The following GRIP1 variants were observed in gnomAD, a reference collection of about 807,000 sequenced individuals.
The protein encoded by GRIP1 is glutamate receptor-interacting protein 1.
A neutral mutation model predicts 129.9 loss-of-function variants in GRIP1; 45 were observed. The ratio of observed to expected loss-of-function variants is 0.35; its 90% CI spans 0.27 to 0.44. The LOEUF is 0.44. Among genes scored for constraint, GRIP1 ranks in the 20% least tolerant of loss-of-function variants. The pLI is 1.00. For synonymous variants in GRIP1, 530 were observed against 520.8 expected (o/e 1.02, Z -0.24); for missense variants, 1,196 against 1,396.8 (o/e 0.86, Z 2.29).
chr12:67,026,794 T>G (rs891665102), intron 1 of GRIP1, among the ~76,000 whole-genome samples: 3 of 152,202 alleles, frequency 2.0e-5, no homozygotes, highest in Non-Finnish European at 4.4e-5. Context: ...CCCTTTCTTT[T>G]GAATAATATA....
intron 1 of GRIP1, among the ~76,000 whole-genome samples, chr12:67,009,741 A>G (rs1294735715): frequency 2.0e-5 from 3 of 152,152 alleles, no homozygotes; most frequent in Non-Finnish European, 4.4e-5. Flanking sequence ...GCTACTCAAT[A>G]AAGTCTGTGC....
intron 1 of GRIP1, among the ~76,000 whole-genome samples, chr12:66,931,569 G>A (rs1448194032): frequency 2.6e-5 from 4 of 152,150 alleles, no homozygotes; most frequent in Non-Finnish European, 2.9e-5. Context: ...AAATCTCTAA[G>A]CAAAAATAAT....
intron 1 of GRIP1, among the ~76,000 whole-genome samples, chr12:67,012,832 C>CTCAGT (rs1313898965): frequency 4.6e-5 from 7 of 152,050 alleles, no homozygotes; most frequent in African/African-American, 1.7e-4. Context: ...AGAGATAAAC[C>CTCAGT]CCTCAAAAGC....
chr12:66,800,871 A>G (rs951689073), intron 1 of GRIP1, among the ~76,000 whole-genome samples: 1 of 152,134 alleles, frequency 6.6e-6, no homozygotes, highest in Non-Finnish European at 1.5e-5. Context: ...CGATTAAATA[A>G]AAAATGCAGT....
chr12:66,517,720 A>C (rs903108303), intron 6 of GRIP1, among the ~76,000 whole-genome samples, 181 bp downstream of exon 6: 11 of 152,176 alleles, frequency 7.2e-5, no homozygotes, highest in African/African-American at 2.7e-4. Context: ...TAAGTATAGA[A>C]TCTAGAGGCA....
intron 1 of GRIP1, among the ~76,000 whole-genome samples, chr12:66,613,517 A>G (rs771465307): frequency 2.0e-5 from 3 of 152,210 alleles, no homozygotes; most frequent in African/African-American, 4.8e-5. Flanking sequence ...CAATCTTTAC[A>G]TAATAAGTAA....
At chr12:66,775,541 G>C (rs1374701872) in intron 1 of GRIP1, among the ~76,000 whole-genome samples, 2 of 152,078 alleles carry the variant, frequency 1.3e-5, no homozygotes, top group Non-Finnish European at 2.9e-5. Flanking sequence ...AACTGGTTCT[G>C]GGATGGAATC....
chr12:66,532,212 T>C (rs73321276), intron 4 of GRIP1, among the ~76,000 whole-genome samples: 22,469 of 152,216 alleles, frequency 0.15, 1,806 homozygotes, highest in African/African-American at 0.21. Flanking sequence ...TGTTTTTATT[T>C]GCATGGCTGG....
intron 24 of GRIP1, among the ~76,000 whole-genome samples, chr12:66,351,717 T>A (rs962778374): frequency 1.3e-5 from 2 of 152,072 alleles, no homozygotes; most frequent in African/African-American, 4.8e-5. Context: ...TAGTCCAGAC[T>A]TGAGGTAAAG....
chr12:66,526,128 C>T (rs1371889505), intron 5 of GRIP1, among the ~76,000 whole-genome samples: 1 of 151,776 alleles, frequency 6.6e-6, no homozygotes, highest in African/African-American at 2.4e-5. Context: ...GATTCAATGC[C>T]ATCCCCAACA....
At chr12:66,673,227 C>T (rs777520977) in intron 1 of GRIP1, among the ~76,000 whole-genome samples, 2 of 151,996 alleles carry the variant, frequency 1.3e-5, no homozygotes, top group East Asian at 1.9e-4. Context: ...GGGATAATGA[C>T]GATAATATTG....
At chr12:66,727,700 C>T (rs2036299307) in intron 1 of GRIP1, among the ~76,000 whole-genome samples, 1 of 152,060 alleles carries the variant, frequency 6.6e-6, no homozygotes, top group Non-Finnish European at 1.5e-5. Context: ...ATTCTTCATT[C>T]TTTAAACACA....
chr12:66,904,902 C>CA (rs1002999591), intron 1 of GRIP1, among the ~76,000 whole-genome samples: 17 of 134,678 alleles, frequency 1.3e-4, no homozygotes, highest in Non-Finnish European at 2.2e-4. Context: ...AAAAAAAAAA[C>CA]AAAAAAAAGT....
At chr12:66,760,532 T>C (rs1374529678) in intron 1 of GRIP1, among the ~76,000 whole-genome samples, 1 of 152,122 alleles carries the variant, frequency 6.6e-6, no homozygotes, top group Non-Finnish European at 1.5e-5. Context: ...GATAAACCCA[T>C]CAGATCTCAT....
At chr12:66,939,177 A>G (rs905843000) in intron 1 of GRIP1, among the ~76,000 whole-genome samples, 2 of 151,920 alleles carry the variant, frequency 1.3e-5, no homozygotes, top group Admixed American at 6.6e-5. Context: ...GTGGATGAAT[A>G]AGTTGTCAGG....
intron 2 of GRIP1, among the ~76,000 whole-genome samples, chr12:66,583,049 C>T (rs965826775): frequency 6.6e-6 from 1 of 151,066 alleles, no homozygotes; most frequent in Non-Finnish European, 1.5e-5. Flanking sequence ...GTACTGGTAC[C>T]AAAACAGAGA....
chr12:66,487,959 G>A (rs145459991), intron 7 of GRIP1, among the ~76,000 whole-genome samples: 104 of 152,216 alleles, frequency 6.8e-4, no homozygotes, highest in African/African-American at 2.4e-3. Flanking sequence ...CCTAATACAA[G>A]AGCACCCAGA....
chr12:66,403,642 C>T (rs376585529), intron 16 of GRIP1, among the ~76,000 whole-genome samples: 3 of 152,176 alleles, frequency 2.0e-5, no homozygotes, highest in African/African-American at 7.2e-5. Flanking sequence ...TATTTATAGT[C>T]TTATTTTGGG....
chr12:66,952,983 G>T (rs1314834609), intron 1 of GRIP1, among the ~76,000 whole-genome samples: 2 of 152,166 alleles, frequency 1.3e-5, no homozygotes, highest in African/African-American at 2.4e-5. Flanking sequence ...GCCACACATA[G>T]ATATTTAAAT....
Sources: gnomAD v4.1 joint callset for allele counts (sites outside exome capture counted in the v4.1 genomes callset) on GRCh38, gnomAD v4.1.1 for gene constraint, MANE v1.5 for transcripts, NCBI Gene and HGNC (gene_info 2026-07-23, HGNC 2026-07-21) for gene names.